The following GOLGA5 variants were observed in gnomAD, a reference collection of about 807,000 sequenced individuals.
GOLGA5 encodes the protein golgin A5.
A neutral mutation model predicts 93.5 loss-of-function variants in GOLGA5; 50 were observed. The ratio of observed to expected loss-of-function variants is 0.53; its 90% CI spans 0.43 to 0.68. The LOEUF is 0.68. Among genes scored for constraint, GOLGA5 ranks in the 30% least tolerant of loss-of-function variants. The pLI is 0.00. For synonymous variants in GOLGA5, 312 were observed against 304.5 expected, an observed-to-expected ratio of 1.02 and a Z score of -0.26; for missense variants, 760 against 856.4, an observed-to-expected ratio of 0.89 and a Z score of 1.40.
intron 10 of GOLGA5, 59 bp downstream of exon 10, chr14:92,833,406 T>C (rs1300659489): frequency 2.5e-6 from 3 of 1,197,252 alleles, no homozygotes; most frequent in Non-Finnish European, 3.7e-6. Context: ...TGAAAAGTTA[T>C]AGAAGGACTA....
At chr14:92,805,609 G>A (rs1324541123) in intron 2 of GOLGA5, among the ~76,000 whole-genome samples, 1 of 152,172 alleles carries the variant, frequency 6.6e-6, no homozygotes, top group Non-Finnish European at 1.5e-5. Flanking sequence ...AGTCCCACCA[G>A]CAGTGAGAGG....
Position 92,797,614 on chromosome 14 carries a change from A to G in GOLGA5, c.177A>G (p.Lys59=). 2 of 1,613,334 alleles carry G rather than the reference A, an allele frequency of 1.2e-6. No individual in the cohort carries two copies. Among genetic ancestry groups the G allele is most frequent in the Non-Finnish European group, 1.7e-6 (2 of 1,179,276 alleles). The change falls in exon 2 of 13, where the codon AAA becomes AAG. Residue 59 remains lysine (K), a synonymous_variant. Transcript: ENST00000163416. The part of the protein sequence containing the change: ...NTDLIYQTGP[K]STYISSAADN... ...ATTTGATATATCAGACTGGACCTAAATCTACGTATATTTCATCAGCAGCTG... is the reference window on the plus strand; with the variant it reads ...ATTTGATATATCAGACTGGACCTAAGTCTACGTATATTTCATCAGCAGCTG...
intron 2 of GOLGA5, among the ~76,000 whole-genome samples, chr14:92,801,276 A>G (rs1450923775): frequency 6.6e-6 from 1 of 152,222 alleles, no homozygotes; most frequent in African/African-American, 2.4e-5. Context: ...CTAACCAGCT[A>G]TGGTTAAGAA....
Position 92,816,347 on chromosome 14 carries a change from C to T in GOLGA5, c.1417C>T (p.His473Tyr). The change falls in exon 7 of 13, where the codon CAT becomes TAT. Residue 473 changes from histidine (H) to tyrosine (Y), a missense_variant. His to Tyr is a moderately conservative substitution (Grantham distance 83). Coordinates refer to ENST00000163416, the MANE Select transcript of GOLGA5 (RefSeq NM_005113.4). Reference protein sequence around the residue: ...ASSMELEELRHEKEMQREEIQ... With the variant: ...ASSMELEELRYEKEMQREEIQ... ...TAGCATGGAGCTGGAAGAACTTCGG[C>T]ATGAGAAAGAGATGCAGAGGGAGGA... The T allele has an allele frequency of 6.2e-7, 1 of 1,613,864 alleles. No individual in the cohort carries two copies. The highest frequency in any genetic ancestry group is 1.7e-5 in the Admixed American group (1 of 59,994).
At chr14:92,831,468 A>C (rs1036606530) in intron 9 of GOLGA5, among the ~76,000 whole-genome samples, 1 of 152,132 alleles carries the variant, frequency 6.6e-6, no homozygotes, top group African/African-American at 2.4e-5. Flanking sequence ...GTGTGATTCC[A>C]CTCAGGAAAT....
chr14:92,810,663 G>T (rs76124184), intron 5 of GOLGA5: 12,366 of 194,074 alleles, frequency 0.064, 467 homozygotes, highest in Middle Eastern at 0.092. Flanking sequence ...AATGCTAATG[G>T]TTGGGGGATC....
At chr14:92,828,090 A>G (rs1164113778) in intron 9 of GOLGA5, among the ~76,000 whole-genome samples, 3 of 152,240 alleles carry the variant, frequency 2.0e-5, no homozygotes, top group African/African-American at 7.2e-5. Context: ...AGCTAAGATC[A>G]TTGATGAAAA....
At chr14:92,808,479 A>AT (rs966449470) in intron 3 of GOLGA5, among the ~76,000 whole-genome samples, 25 of 151,086 alleles carry the variant, frequency 1.7e-4, no homozygotes, top group African/African-American at 4.9e-4. Context: ...ACAAAAATCA[A>AT]TTTTTTTTTG....
Position 92,810,347 on chromosome 14 carries a change from G to C in GOLGA5, c.1086G>C (p.Lys362Asn), listed in dbSNP as rs753943743. Residue 362 changes from lysine to asparagine, a missense_variant, in exon 5 of 13, where the codon AAG (lysine) becomes AAC (asparagine). Physicochemically the swap from Lys to Asn is moderately conservative, Grantham distance 94. Coordinates refer to ENST00000163416, the MANE Select transcript of GOLGA5 (RefSeq NM_005113.4). ...ERLHEADATL[K>N]REQESYKQMQ... ...TGCATGAAGCGGATGCCACTCTGAA[G>C]AGAGAGCAGGAGAGCTATAAACAGA... The C allele has an allele frequency of 1.3e-5, 21 of 1,606,592 alleles. No homozygotes were observed. Among genetic ancestry groups the C allele is most frequent in the Non-Finnish European group, 1.8e-5 (21 of 1,177,286 alleles).
At chr14:92,825,004 GATCA>G (rs1885387831) in intron 9 of GOLGA5, among the ~76,000 whole-genome samples, 1 of 152,104 alleles carries the variant, frequency 6.6e-6, no homozygotes, top group African/African-American at 2.4e-5. Context: ...ATTAATGATT[GATCA>G]GTCTTCCATA....
At chr14:92,815,946 C>T (rs1002310547) in intron 6 of GOLGA5, among the ~76,000 whole-genome samples, 7 of 151,860 alleles carry the variant, frequency 4.6e-5, no homozygotes, top group Non-Finnish European at 8.8e-5. Flanking sequence ...ACCTCGTGAT[C>T]CGCCCGCCTC....
chr14:92,816,947 T>G (rs966709342), intron 7 of GOLGA5, among the ~76,000 whole-genome samples: 3 of 152,036 alleles, frequency 2.0e-5, no homozygotes, highest in African/African-American at 2.4e-5. Context: ...CTTTCCTTCT[T>G]TTTTTTGAGA....
At chr14:92,816,538 C>CTTCGA (rs941223663) in intron 7 of GOLGA5, 117 bp downstream of exon 7, 6 of 712,430 alleles carry the variant, frequency 8.4e-6, no homozygotes, top group Middle Eastern at 3.8e-4. Flanking sequence ...CTTCGCTTCG[C>CTTCGA]TTCGCTTCTC....
At chr14:92,809,071 G>A (rs1226527485) in intron 3 of GOLGA5, among the ~76,000 whole-genome samples, 1 of 152,144 alleles carries the variant, frequency 6.6e-6, no homozygotes, top group African/African-American at 2.4e-5. Flanking sequence ...CAGCATTGTA[G>A]AAGAGCAGCT....
chr14:92,838,512 C>T (rs1595607830), intron 12 of GOLGA5, among the ~76,000 whole-genome samples: 3 of 152,154 alleles, frequency 2.0e-5, no homozygotes, highest in Admixed American at 6.5e-5. Flanking sequence ...GGGCTACAGG[C>T]GCACGCCACT....
At position 92,816,283 on chromosome 14, in the gene GOLGA5, A is replaced by G. The variant is rs188992557; in HGVS notation, c.1353A>G (p.Glu451=). 4.1e-5 allele frequency: 66 copies of G among 1,613,442 alleles called. No homozygotes were observed. The highest frequency in any genetic ancestry group is 5.1e-5 in the Non-Finnish European group (60 of 1,179,624). Residue 451 remains glutamate (E), a synonymous_variant, in exon 7 of 13, where the codon GAA becomes GAG. Coordinates refer to ENST00000163416, the MANE Select transcript of GOLGA5 (RefSeq NM_005113.4). ...SKEKLINSLK[E]GSGFEGLDSS... ...AAAAATTGATTAACAGCTTGAAAGA[A>G]GGCTCTGGTTTTGAAGGCCTAGATA...
rs1266671541 is a variant in GOLGA5 at position 92,816,397 on chromosome 14, A to G, written c.1467A>G (p.Ile489Met). The change falls in exon 7 of 13, where the codon ATA (isoleucine) becomes ATG (methionine). Residue 489 changes from isoleucine (I) to methionine (M), a missense_variant. By Grantham distance (10) the Ile-to-Met change is conservative. Coordinates refer to ENST00000163416, the MANE Select transcript of GOLGA5 (RefSeq NM_005113.4). The part of the protein sequence containing the change: ...REEIQKLMGQ[I>M]HQLRSELQDM... ...AAATACAGAAGCTGATGGGCCAGATACATCAGCTCAGATCCGAATTACAGG... is the reference window on the plus strand; with the variant it reads ...AAATACAGAAGCTGATGGGCCAGATGCATCAGCTCAGATCCGAATTACAGG... 1 of 1,613,944 alleles carries G rather than the reference A, an allele frequency of 6.2e-7. No homozygotes were observed. The highest frequency in any genetic ancestry group is 1.1e-5 in the South Asian group (1 of 91,072).
At chr14:92,830,367 C>T (rs966353285) in intron 9 of GOLGA5, among the ~76,000 whole-genome samples, 1 of 151,066 alleles carries the variant, frequency 6.6e-6, no homozygotes, top group East Asian at 2.0e-4. Flanking sequence ...ACACAGAATT[C>T]GTAAACTTAA....
At chr14:92,802,788 T>C (rs1284324344) in intron 2 of GOLGA5, among the ~76,000 whole-genome samples, 1 of 151,738 alleles carries the variant, frequency 6.6e-6, no homozygotes, top group Non-Finnish European at 1.5e-5. Flanking sequence ...GGGATCTTGC[T>C]GTGTTACCCA....
Sources: allele counts gnomAD v4.1 joint callset (sites outside exome capture counted in the v4.1 genomes callset), GRCh38; gene constraint gnomAD v4.1.1; transcripts MANE v1.5; gene names NCBI Gene and HGNC (gene_info 2026-07-23, HGNC 2026-07-21).